Variants in STAU2 observed in about 807,000 individuals in gnomAD.
The protein encoded by STAU2 is double-stranded RNA-binding protein Staufen homolog 2.
In STAU2, 20 loss-of-function variants were observed where a neutral mutation model predicts 65.9. The observed-to-expected ratio is 0.30, with a 90% CI of 0.21 to 0.44. The LOEUF is 0.44. Among genes scored for constraint, STAU2 ranks in the 20% least tolerant of loss-of-function variants. The pLI is 1.00. For synonymous variants in STAU2, 232 were observed against 233.9 expected, an observed-to-expected ratio of 0.99 and a Z score of 0.07; for missense variants, 558 against 683.9, an observed-to-expected ratio of 0.82 and a Z score of 2.05.
chr8:73,571,934 C>G (rs1031224563), intron 12 of STAU2, among the ~76,000 whole-genome samples: 1 of 151,952 alleles, frequency 6.6e-6, no homozygotes, highest in Non-Finnish European at 1.5e-5. Context: ...ACAAAAAACC[C>G]TTCAAAAAAA....
chr8:73,498,754 A>G (rs1172661852), intron 13 of STAU2, among the ~76,000 whole-genome samples: 1 of 151,854 alleles, frequency 6.6e-6, no homozygotes, highest in Non-Finnish European at 1.5e-5. Context: ...GAGTATATGA[A>G]CCAAGTGTCA....
chr8:73,474,063 T>C (rs1253321091), intron 13 of STAU2, among the ~76,000 whole-genome samples: 1 of 152,172 alleles, frequency 6.6e-6, no homozygotes, highest in Non-Finnish European at 1.5e-5. Context: ...AATGAAATAT[T>C]GTCTGCAAGA....
At chr8:73,520,701 G>A (rs1369301370) in intron 13 of STAU2, among the ~76,000 whole-genome samples, 4 of 152,168 alleles carry the variant, frequency 2.6e-5, no homozygotes, top group Non-Finnish European at 4.4e-5. Flanking sequence ...TCTCCTTCTG[G>A]ATGTGGTTAT....
At chr8:73,637,598 A>G (rs779972549) in intron 6 of STAU2, among the ~76,000 whole-genome samples, 7 of 151,924 alleles carry the variant, frequency 4.6e-5, no homozygotes, top group Non-Finnish European at 8.8e-5. Flanking sequence ...GTTTTCAGTA[A>G]ACAAAAATTC....
At chr8:73,618,884 A>C (rs1387695955) in intron 6 of STAU2, among the ~76,000 whole-genome samples, 1 of 152,258 alleles carries the variant, frequency 6.6e-6, no homozygotes, top group Non-Finnish European at 1.5e-5. Flanking sequence ...GGATGACATC[A>C]CGGTTTCGGA....
At chr8:73,433,114 G>A (rs2128884002) in intron 13 of STAU2, among the ~76,000 whole-genome samples, 1 of 152,302 alleles carries the variant, frequency 6.6e-6, no homozygotes, top group Middle Eastern at 3.4e-3. Context: ...TAGAACAAAT[G>A]TTGAGTGCAG....
intron 13 of STAU2, among the ~76,000 whole-genome samples, chr8:73,450,787 G>C (rs1818762281): frequency 6.6e-6 from 1 of 152,172 alleles, no homozygotes; most frequent in South Asian, 2.1e-4. Flanking sequence ...GAGGGATTTT[G>C]CCAAAGTCAC....
In STAU2 at chr8:73,613,760, G is replaced by C. The variant is rs1445573444; in HGVS notation, c.875C>G (p.Pro292Arg). ...EKPKLFFKKRPKTIVKAGPEY... is the reference protein window; with the variant it reads ...EKPKLFFKKRRKTIVKAGPEY... The stretch of plus-strand genomic sequence containing the variant: ...TAAACTTACCTTTACTATTGTTTTA[G>C]GGCGTTTTTTAAAAAATAGTTTTGG... Residue 292 changes from proline to arginine, a missense_variant, in exon 9 of 15, where the codon CCT becomes CGT. Physicochemically the swap from Pro to Arg is moderately radical, Grantham distance 103. This residue lies in a region of STAU2 where 199 missense variants were observed against 299.5 expected (regional missense o/e 0.66). Coordinates refer to ENST00000524300, the MANE Select transcript of STAU2 (RefSeq NM_001164380.2). 1 of 1,610,402 alleles carries C rather than the reference G, an allele frequency of 6.2e-7. No individual in the cohort carries two copies. The highest frequency in any genetic ancestry group is 8.5e-7 in the Non-Finnish European group (1 of 1,179,266).
At chr8:73,747,326 C>G, upstream of STAU2, 1 of 1,520,974 alleles carries the variant, frequency 6.6e-7, no homozygotes, top group Non-Finnish European at 8.8e-7. Context: ...CTTCCTTCCC[C>G]GCCCGACTGA....
chr8:73,736,950 C>T (rs749015196), intron 3 of STAU2, among the ~76,000 whole-genome samples: 2 of 152,134 alleles, frequency 1.3e-5, no homozygotes, highest in African/African-American at 4.8e-5. Flanking sequence ...CTGCAACCTC[C>T]GTCTGCTGGG....
At chr8:73,656,610 A>G (rs1467840358) in intron 6 of STAU2, among the ~76,000 whole-genome samples, 1 of 152,248 alleles carries the variant, frequency 6.6e-6, no homozygotes, top group Non-Finnish European at 1.5e-5. Context: ...AAATATTGTT[A>G]ATTCCAATAT....
chr8:73,635,341 G>GA (rs1337234442), intron 6 of STAU2, among the ~76,000 whole-genome samples: 2 of 152,042 alleles, frequency 1.3e-5, no homozygotes, highest in East Asian at 3.9e-4. Flanking sequence ...TTAACATCTG[G>GA]AAAAAAAGAA....
intron 13 of STAU2, among the ~76,000 whole-genome samples, chr8:73,501,855 A>C (rs1366534306): frequency 6.6e-6 from 1 of 152,008 alleles, no homozygotes; most frequent in Non-Finnish European, 1.5e-5. Flanking sequence ...GATGTTTTCA[A>C]TTATCTATTG....
At chr8:73,486,590 C>A (rs1168958233) in intron 13 of STAU2, among the ~76,000 whole-genome samples, 1 of 148,454 alleles carries the variant, frequency 6.7e-6, no homozygotes, top group African/African-American at 2.5e-5. Flanking sequence ...AATCCTTTCT[C>A]TTTTTCCTGA....
intron 6 of STAU2, among the ~76,000 whole-genome samples, chr8:73,648,883 T>C (rs1215214371): frequency 2.6e-5 from 4 of 152,206 alleles, no homozygotes. Context: ...CATAGCTCAC[T>C]GCAGCCTCAA....
intron 5 of STAU2, among the ~76,000 whole-genome samples, chr8:73,680,771 G>A (rs920864220): frequency 6.6e-6 from 1 of 151,744 alleles, no homozygotes; most frequent in African/African-American, 2.4e-5. Context: ...AAATAAAAAA[G>A]AGTCACAACT....
At chr8:73,648,444 G>A (rs895228188) in intron 6 of STAU2, among the ~76,000 whole-genome samples, 6 of 152,060 alleles carry the variant, frequency 3.9e-5, no homozygotes, top group South Asian at 2.1e-4. Context: ...CTGTTTCTTC[G>A]TAACTAAAAC....
intron 6 of STAU2, among the ~76,000 whole-genome samples, chr8:73,670,110 C>T (rs767522653): frequency 3.3e-5 from 5 of 151,914 alleles, no homozygotes; most frequent in Non-Finnish European, 7.4e-5. Flanking sequence ...CATTGGGGAA[C>T]GTCAGATTAA....
At chr8:73,672,753 C>A (rs1157941137) in intron 6 of STAU2, among the ~76,000 whole-genome samples, 1 of 151,824 alleles carries the variant, frequency 6.6e-6, no homozygotes, top group Non-Finnish European at 1.5e-5. Flanking sequence ...AAGAAAAAAA[C>A]TGAGCTCTGC....
Sources: allele counts gnomAD v4.1 joint callset (sites outside exome capture counted in the v4.1 genomes callset), GRCh38; gene constraint gnomAD v4.1.1; regional missense constraint gnomAD v4.1.1; transcripts MANE v1.5; gene names NCBI Gene and HGNC (gene_info 2026-07-23, HGNC 2026-07-21).